FBXL17: variants seen among roughly 807,000 people sequenced by gnomAD.
The protein encoded by FBXL17 is F-box and leucine rich repeat protein 17, also known as F-box/LRR-repeat protein 17.
FBXL17 carries 22 observed loss-of-function variants against 66.2 expected under a neutral mutation model. That is an observed-to-expected ratio of 0.33 (90% CI 0.24 to 0.47). The LOEUF (loss-of-function observed/expected upper bound fraction) is 0.47, where lower values mean the gene tolerates loss of function less well. FBXL17 is among the 20% of genes least tolerant of loss of function. The probability of loss-of-function intolerance (pLI) is 1.00; values close to 1 mark genes in which losing one functional copy is unlikely to be tolerated. For missense variants in FBXL17, 878 were observed against 948.2 expected (o/e 0.93, Z 0.97); for synonymous variants, 474 against 400.5 (o/e 1.18, Z -2.19).
At chr5:107,930,454 T>C (rs141849746) in intron 7 of FBXL17, among the ~76,000 whole-genome samples, 1 of 152,362 alleles carries the variant, frequency 6.6e-6, no homozygotes, top group Non-Finnish European at 1.5e-5. Flanking sequence ...GTTAGGCCCC[T>C]AGCCTGTTCT....
In FBXL17 at chr5:108,016,905, G is replaced by A. The variant is rs532195482; in HGVS notation, c.1822+4020C>T. 2.4e-4 allele frequency among the ~76,000 whole-genome samples: 36 copies of A among 151,592 alleles called. No individual in the cohort carries two copies. In the South Asian group the frequency reaches 7.1e-3, roughly 30 times the overall value. On this transcript the variant is annotated intron_variant, in intron 7 of 8. Coordinates refer to ENST00000542267, the MANE Select transcript of FBXL17 (RefSeq NM_001163315.3). Reference sequence around the variant, plus strand: ...AGCAATTTTCCTGCCTCAGCCTCTCGAGTAGCTGGGATTACAGGCATGCGT... The same window carrying A: ...AGCAATTTTCCTGCCTCAGCCTCTCAAGTAGCTGGGATTACAGGCATGCGT...
intron 7 of FBXL17, among the ~76,000 whole-genome samples, chr5:107,987,590 G>A (rs946936205): frequency 6.6e-6 from 1 of 151,826 alleles, no homozygotes; most frequent in Non-Finnish European, 1.5e-5. Context: ...GGCCTGGCAT[G>A]AGCCCTGCTC....
intron 5 of FBXL17, among the ~76,000 whole-genome samples, chr5:108,192,861 C>T (rs1469218290): frequency 6.6e-6 from 1 of 152,004 alleles, no homozygotes; most frequent in Non-Finnish European, 1.5e-5. Flanking sequence ...TAAGACCCTA[C>T]AAAAGTTAAA....
At chr5:107,874,847 T>G (rs1008535676) in intron 8 of FBXL17, among the ~76,000 whole-genome samples, 16 of 152,156 alleles carry the variant, frequency 1.1e-4, no homozygotes, top group African/African-American at 1.7e-4. Context: ...TTTAAAGTGC[T>G]CCTATGTGAA....
chr5:108,269,492 T>C (rs926731715), intron 4 of FBXL17, among the ~76,000 whole-genome samples: 33 of 152,200 alleles, frequency 2.2e-4, no homozygotes, highest in African/African-American at 9.6e-5. Flanking sequence ...TTTGGTTATA[T>C]TGGATACAGA....
At chr5:107,879,368 T>C in intron 8 of FBXL17, 1 of 985,418 alleles carries the variant, frequency 1.0e-6, no homozygotes, top group Non-Finnish European at 1.2e-6. Context: ...CCCTTTAACT[T>C]GTCTTAAAAG....
At chr5:108,160,537 C>T (rs1752171449) in intron 6 of FBXL17, among the ~76,000 whole-genome samples, 1 of 151,976 alleles carries the variant, frequency 6.6e-6, no homozygotes. Context: ...AAATGAGCAA[C>T]CAATAAGAAG....
chr5:107,926,892 A>G (rs2112568944), intron 7 of FBXL17, among the ~76,000 whole-genome samples: 1 of 152,224 alleles, frequency 6.6e-6, no homozygotes, highest in East Asian at 1.9e-4. Flanking sequence ...ATTTGTTTTT[A>G]CTGGACTATT....
At chr5:108,218,756 T>G (rs982818144) in intron 5 of FBXL17, among the ~76,000 whole-genome samples, 3 of 152,216 alleles carry the variant, frequency 2.0e-5, no homozygotes, top group African/African-American at 7.2e-5. Context: ...TTTGGGTACT[T>G]TGCCCAGTTT....
chr5:108,339,640 G>A (rs1746747878), intron 4 of FBXL17, among the ~76,000 whole-genome samples: 1 of 148,700 alleles, frequency 6.7e-6, no homozygotes, highest in South Asian at 2.1e-4. Context: ...ACTAGCCAAG[G>A]AATTACACTA....
chr5:108,157,205 G>A (rs1752028327), intron 6 of FBXL17, among the ~76,000 whole-genome samples: 2 of 148,134 alleles, frequency 1.4e-5, no homozygotes. Flanking sequence ...ACTAGGCTAG[G>A]GAAAACATAC....
intron 6 of FBXL17, among the ~76,000 whole-genome samples, chr5:108,111,439 C>T (rs1750029008): frequency 1.2e-5 from 1 of 83,402 alleles, no homozygotes; most frequent in African/African-American, 3.3e-5. Context: ...TTATTTTTCT[C>T]TAAAACACAT....
chr5:108,284,239 G>T (rs1423559938), intron 4 of FBXL17, among the ~76,000 whole-genome samples: 1 of 151,836 alleles, frequency 6.6e-6, no homozygotes, highest in Admixed American at 6.6e-5. Context: ...TAAGTTTACT[G>T]CATCAAAAAG....
intron 8 of FBXL17, among the ~76,000 whole-genome samples, chr5:107,864,418 G>C (rs1236436340): frequency 6.6e-6 from 1 of 152,116 alleles, no homozygotes; most frequent in East Asian, 1.9e-4. Flanking sequence ...TTTTCTTAAT[G>C]GTTTCTTGAG....
At chr5:108,364,559 A>G (rs948261307) in intron 3 of FBXL17, among the ~76,000 whole-genome samples, 179 bp downstream of exon 3, 3 of 152,072 alleles carry the variant, frequency 2.0e-5, no homozygotes, top group African/African-American at 7.2e-5. Context: ...CAGTTAATTT[A>G]CTGATTATAA....
intron 4 of FBXL17, among the ~76,000 whole-genome samples, chr5:108,242,410 T>C (rs1436237499): frequency 1.3e-5 from 2 of 151,742 alleles, no homozygotes; most frequent in South Asian, 2.1e-4. Flanking sequence ...ATTGTAGGGA[T>C]GAGTTTTTGA....
At chr5:107,949,533 G>C (rs1363826629) in intron 7 of FBXL17, among the ~76,000 whole-genome samples, 2 of 152,148 alleles carry the variant, frequency 1.3e-5, no homozygotes, top group Non-Finnish European at 2.9e-5. Flanking sequence ...CAAGAAGGAA[G>C]ACTTCCATTC....
At chr5:107,873,628 G>A (rs1353813762) in intron 8 of FBXL17, among the ~76,000 whole-genome samples, 2 of 152,146 alleles carry the variant, frequency 1.3e-5, no homozygotes, top group Non-Finnish European at 2.9e-5. Flanking sequence ...ACTGCAGGCT[G>A]GTCTTGTTGC....
intron 7 of FBXL17, among the ~76,000 whole-genome samples, chr5:107,935,444 C>A (rs1295393504): frequency 2.3e-5 from 3 of 131,750 alleles, no homozygotes; most frequent in Non-Finnish European, 5.0e-5. Flanking sequence ...TGTATGTGTG[C>A]GCGCCTTATC....
Sources: gnomAD v4.1 joint callset for allele counts (sites outside exome capture counted in the v4.1 genomes callset) on GRCh38, gnomAD v4.1.1 for gene constraint, MANE v1.5 for transcripts, NCBI Gene and HGNC (gene_info 2026-07-23, HGNC 2026-07-21) for gene names.